Variants in COL21A1 observed in about 807,000 individuals in gnomAD.
COL21A1 encodes the protein collagen type XXI alpha 1 chain.
In COL21A1, 149 loss-of-function variants were observed where a neutral mutation model predicts 137.9. The ratio of observed to expected loss-of-function variants is 1.08; its 90% CI spans 0.95 to 1.24. The LOEUF is 1.24. COL21A1 is among the 50% of genes most tolerant of loss of function. The probability of loss-of-function intolerance (pLI) is 0.00; values close to 1 mark genes in which losing one functional copy is unlikely to be tolerated. For synonymous variants in COL21A1, 456 were observed against 391.5 expected (o/e 1.16, Z -1.95); for missense variants, 1,167 against 1,158.4 (o/e 1.01, Z -0.11).
At chr6:56,059,772 T>C (rs1765633494) in intron 28 of COL21A1, among the ~76,000 whole-genome samples, 1 of 152,174 alleles carries the variant, frequency 6.6e-6, no homozygotes, top group Admixed American at 6.6e-5. Context: ...GCAAAATTTC[T>C]CAGTACATTG....
In COL21A1 at chr6:56,343,358, C is replaced by T. The variant is rs185374683; in HGVS notation, c.-39+50613G>A. ...CAGTCTAGTTTCATTGCCTGAGAAG[C>T]CTTCCTAGTCTGTCCTTGTAAAAAC... On this transcript the variant is annotated intron_variant, in intron 1 of 28. Coordinates refer to the COL21A1 transcript ENST00000370819. 2.8e-3 allele frequency among the ~76,000 whole-genome samples: 433 copies of T among 152,234 alleles called. 3 individuals are homozygous for T. Among genetic ancestry groups the T allele is most frequent in the Non-Finnish European group, 2.4e-3 (160 of 68,022 alleles).
In COL21A1 at chr6:56,116,523, C is replaced by G. The variant is rs567927370; in HGVS notation, c.1758+7539G>C. On this transcript the variant is annotated intron_variant, in intron 16 of 29. Transcript: ENST00000244728. The stretch of plus-strand genomic sequence containing the variant: ...CAATAGATGAGTGATTTCATCAATA[C>G]CAGACCTACCATACAAGAAATGCTA... Among the ~76,000 whole-genome samples, 41 of 150,774 alleles carry G rather than the reference C, an allele frequency of 2.7e-4. No homozygotes were observed. The South Asian group carries it at 8.0e-3, about 29-fold the overall frequency.
At chr6:56,162,384 T>TAAGAA (rs748898582) in intron 9 of COL21A1, among the ~76,000 whole-genome samples, 3 of 152,010 alleles carry the variant, frequency 2.0e-5, no homozygotes, top group Non-Finnish European at 4.4e-5. Flanking sequence ...AGATTATGAC[T>TAAGAA]AAGAAAAGAA....
chr6:56,126,000 G>T, intron 13 of COL21A1, 96 bp downstream of exon 13: 3 of 677,526 alleles, frequency 4.4e-6, no homozygotes, highest in South Asian at 4.4e-5. Flanking sequence ...AATTATATAT[G>T]AACATTTATT....
At chr6:56,377,698 G>A (rs1263257564) in intron 1 of COL21A1, among the ~76,000 whole-genome samples, 1 of 152,126 alleles carries the variant, frequency 6.6e-6, no homozygotes, top group Admixed American at 6.5e-5. Flanking sequence ...CCCAGAGACA[G>A]TGGATTGAGG....
Position 56,206,080 on chromosome 6 carries a change from G to A in COL21A1, c.-38-23424C>T, listed in dbSNP as rs572913410. 3.9e-5 allele frequency among the ~76,000 whole-genome samples: 6 copies of A among 152,120 alleles called. No individual in the cohort carries two copies. In the East Asian group the frequency reaches 7.7e-4, roughly 20 times the overall value. On this transcript the variant is annotated intron_variant, in intron 1 of 29. Transcript: ENST00000244728. ...CTATGAAGAAACTGCATCAACTAAC[G>A]GGCAAAATAAGCAGCTAGCATTATA... is the stretch of plus-strand genomic sequence containing the variant.
At chr6:56,084,529 A>C (rs1381385466) in intron 17 of COL21A1, among the ~76,000 whole-genome samples, 1 of 151,964 alleles carries the variant, frequency 6.6e-6, no homozygotes, top group Non-Finnish European at 1.5e-5. Flanking sequence ...ATACTTTTTG[A>C]GTACTTAAGA....
chr6:56,161,286 C>T (rs889904944), intron 9 of COL21A1, among the ~76,000 whole-genome samples: 8 of 152,140 alleles, frequency 5.3e-5, no homozygotes, highest in African/African-American at 1.7e-4. Context: ...CACTTCTGAC[C>T]TAATACATCT....
intron 1 of COL21A1, among the ~76,000 whole-genome samples, chr6:56,310,478 T>C (rs150517358): frequency 6.6e-6 from 1 of 152,314 alleles, no homozygotes; most frequent in African/African-American, 2.4e-5. Flanking sequence ...TGAGAACCAC[T>C]GTCTTAAAGG....
intron 1 of COL21A1, among the ~76,000 whole-genome samples, chr6:56,271,112 A>T (rs1299877303): frequency 6.6e-6 from 1 of 152,210 alleles, no homozygotes; most frequent in Non-Finnish European, 1.5e-5. Context: ...AAGATGAGGG[A>T]AAGTTTGGAA....
At chr6:56,211,957 T>C (rs1780200860) in intron 1 of COL21A1, among the ~76,000 whole-genome samples, 1 of 152,118 alleles carries the variant, frequency 6.6e-6, no homozygotes, top group Non-Finnish European at 1.5e-5. Context: ...TTGATGAGTT[T>C]GAAAGATTTT....
At chr6:56,077,840 C>A in intron 17 of COL21A1, 3 of 408,516 alleles carry the variant, frequency 7.3e-6, no homozygotes, top group Non-Finnish European at 1.3e-5. Context: ...TCTTGCACCC[C>A]AACACATGAG....
intron 1 of COL21A1, among the ~76,000 whole-genome samples, chr6:56,212,301 T>G (rs1033639931): frequency 6.6e-6 from 1 of 151,976 alleles, no homozygotes; most frequent in Non-Finnish European, 1.5e-5. Context: ...AGATCACCAT[T>G]GATACATATT....
At chr6:56,223,479 T>C (rs997082116) in intron 1 of COL21A1, among the ~76,000 whole-genome samples, 1 of 152,074 alleles carries the variant, frequency 6.6e-6, no homozygotes, top group Non-Finnish European at 1.5e-5. Flanking sequence ...TAAATTCCTC[T>C]AAAAATTTAG....
intron 1 of COL21A1, among the ~76,000 whole-genome samples, chr6:56,301,854 TC>T (rs936502808): frequency 1.5e-4 from 5 of 32,652 alleles, no homozygotes; most frequent in Non-Finnish European, 2.3e-4. Context: ...ATGCTATTTC[TC>T]CCCCCCCCAA....
At chr6:56,316,477 C>CTTTTTGTTT (rs1764739190) in intron 1 of COL21A1, among the ~76,000 whole-genome samples, 1 of 75,786 alleles carries the variant, frequency 1.3e-5, no homozygotes, top group Non-Finnish European at 2.3e-5. Context: ...TCTAAATAGA[C>CTTTTTGTTT]TTTTTTTTTT....
In COL21A1 at chr6:56,156,900, T is replaced by C; in HGVS notation, c.1421A>G (p.Gln474Arg). 6.2e-7 allele frequency: 1 copy of C among 1,612,168 alleles called. No homozygotes were observed. Among genetic ancestry groups the C allele is most frequent in the Non-Finnish European group, 8.5e-7 (1 of 1,179,152 alleles). Reference protein sequence around the residue: ...GNPGYPGQPGQDGKPGYQGIA... With the variant: ...GNPGYPGQPGRDGKPGYQGIA... ...TTCAGTACTCACAGGCTTACCATCT[T>C]GACCAGGTTGTCCAGGGTAGCCAGG... Residue 474 changes from glutamine to arginine, a missense_variant, in exon 10 of 30, where the codon CAA (glutamine) becomes CGA (arginine). Transcript: ENST00000244728.
intron 1 of COL21A1, among the ~76,000 whole-genome samples, chr6:56,327,267 A>G (rs982623050): frequency 6.6e-6 from 1 of 151,948 alleles, no homozygotes; most frequent in Non-Finnish European, 1.5e-5. Flanking sequence ...TAAATAAAAT[A>G]TTTAAAATGT....
chr6:56,072,551 A>C (rs1029745572), intron 20 of COL21A1, among the ~76,000 whole-genome samples: 1 of 151,532 alleles, frequency 6.6e-6, no homozygotes, highest in Non-Finnish European at 1.5e-5. Context: ...AACTAGCAGA[A>C]AGAAACGAAT....
Sources: allele counts gnomAD v4.1 joint callset (sites outside exome capture counted in the v4.1 genomes callset), GRCh38; gene constraint gnomAD v4.1.1; transcripts MANE v1.5; gene names NCBI Gene and HGNC (gene_info 2026-07-23, HGNC 2026-07-21).